KLF12: variants seen among roughly 807,000 people sequenced by gnomAD.
KLF12 encodes the protein Krueppel-like factor 12.
KLF12 carries 9 observed loss-of-function variants against 37.8 expected under a neutral mutation model. The observed-to-expected ratio is 0.24, with a 90% confidence interval of 0.14 to 0.42. KLF12 has a LOEUF of 0.42. KLF12 is among the 10% of genes least tolerant of loss of function. KLF12 has a pLI of 1.00. For missense variants in KLF12, 411 were observed against 516.0 expected, an observed-to-expected ratio of 0.80 and a Z score of 1.97; for synonymous variants, 208 against 202.1, an observed-to-expected ratio of 1.03 and a Z score of -0.25.
chr13:74,019,370 T>C (rs1210234860), intron 1 of KLF12, among the ~76,000 whole-genome samples: 1 of 152,236 alleles, frequency 6.6e-6, no homozygotes, highest in East Asian at 1.9e-4. Flanking sequence ...GTTTAAGTAA[T>C]TGAATGTAAT....
At chr13:73,962,322 C>A (rs1298556534) in intron 2 of KLF12, among the ~76,000 whole-genome samples, 1 of 152,034 alleles carries the variant, frequency 6.6e-6, no homozygotes, top group Non-Finnish European at 1.5e-5. Flanking sequence ...GATGCCAGGT[C>A]TTAAGGGGAA....
At chr13:73,910,550 A>G (rs1245882650) in intron 3 of KLF12, among the ~76,000 whole-genome samples, 1 of 152,208 alleles carries the variant, frequency 6.6e-6, no homozygotes, top group Non-Finnish European at 1.5e-5. Context: ...CTTAAATAAA[A>G]AACTTTATAA....
At chr13:74,257,978 G>A in the KLF12 span, 1 of 152,074 alleles carries the variant, frequency 6.6e-6, no homozygotes, top group East Asian at 1.9e-4. Context: ...CTCATTACCA[G>A]AGGGTAGGGA....
chr13:74,004,767 G>C (rs1035179087), intron 1 of KLF12, among the ~76,000 whole-genome samples: 1 of 152,078 alleles, frequency 6.6e-6, no homozygotes, highest in Non-Finnish European at 1.5e-5. Flanking sequence ...AGTATTTTAA[G>C]TTTCTCCACT....
At chr13:74,233,174 C>T in the KLF12 span, among the ~76,000 whole-genome samples, 3 of 152,272 alleles carry the variant, frequency 2.0e-5, no homozygotes, top group East Asian at 1.9e-4. Flanking sequence ...TGAGCCACCG[C>T]GCCTGGCCTG....
chr13:73,926,004 G>T (rs1036130696), intron 3 of KLF12, among the ~76,000 whole-genome samples: 2 of 151,948 alleles, frequency 1.3e-5, no homozygotes, highest in Admixed American at 1.3e-4. Context: ...ATAAGCAAAT[G>T]GTTTCTTTAG....
intron 3 of KLF12, among the ~76,000 whole-genome samples, chr13:73,902,054 T>C (rs982243364): frequency 7.2e-5 from 11 of 152,214 alleles, no homozygotes; most frequent in Admixed American, 3.3e-4. Context: ...CTATAATGCT[T>C]ATAGTTTAAT....
At chr13:73,993,876 C>A (rs936116680) in intron 2 of KLF12, among the ~76,000 whole-genome samples, 2 of 130,638 alleles carry the variant, frequency 1.5e-5, no homozygotes, top group Middle Eastern at 3.5e-3. Context: ...CTCCTTCTCC[C>A]AGAGAACCAC....
At chr13:74,022,693 CT>C (rs963813428) in intron 1 of KLF12, among the ~76,000 whole-genome samples, 2 of 150,768 alleles carry the variant, frequency 1.3e-5, no homozygotes, top group Non-Finnish European at 2.9e-5. Flanking sequence ...AATTGACCCC[CT>C]CTCACCCCAC....
At chr13:73,880,975 T>C (rs1886953287) in intron 3 of KLF12, among the ~76,000 whole-genome samples, 2 of 152,344 alleles carry the variant, frequency 1.3e-5, no homozygotes, top group East Asian at 3.9e-4. Flanking sequence ...AAGTCTGATA[T>C]CTGAAAGTGT....
At chr13:74,095,743 C>A (rs1015771284) in intron 1 of KLF12, among the ~76,000 whole-genome samples, 11 of 152,178 alleles carry the variant, frequency 7.2e-5, no homozygotes, top group Admixed American at 3.3e-4. Context: ...TATTTCAATT[C>A]CTTACAAAGA....
intron 1 of KLF12, among the ~76,000 whole-genome samples, chr13:74,082,449 A>G (rs1457527618): frequency 1.3e-5 from 2 of 152,190 alleles, no homozygotes; most frequent in African/African-American, 4.8e-5. Context: ...ATATTAAACT[A>G]AAGATTCTAT....
At chr13:74,177,986 A>G in the KLF12 span, among the ~76,000 whole-genome samples, 1 of 152,246 alleles carries the variant, frequency 6.6e-6, no homozygotes, top group Admixed American at 6.5e-5. Context: ...GCTCAGGTCT[A>G]GTCTTAAATG....
chr13:73,851,490 T>C (rs1160421848), intron 3 of KLF12, among the ~76,000 whole-genome samples: 1 of 152,220 alleles, frequency 6.6e-6, no homozygotes, highest in African/African-American at 2.4e-5. Context: ...CATGTAACAG[T>C]TGATGGAATA....
rs78360725 is a variant in KLF12 at position 73,841,787 on chromosome 13, C to T, written c.670+4040G>A. On this transcript the variant is annotated intron_variant, in intron 4 of 7. Transcript: ENST00000377669. ...CTCTCCTCTCTATGTGGGAACCCCG[C>T]ACCTCCCAGTACCACCACTGTGGGG... is the stretch of plus-strand genomic sequence containing the variant. 3.3e-3 allele frequency among the ~76,000 whole-genome samples: 497 copies of T among 152,272 alleles called. 1 individual carries two copies. The highest frequency in any genetic ancestry group is 0.011 in the African/African-American group (474 of 41,546).
chr13:73,813,432 G>T, intron 4 of KLF12, 145 bp from the exon 5 acceptor site: 3 of 882,368 alleles, frequency 3.4e-6, no homozygotes, highest in Non-Finnish European at 3.5e-6. Context: ...AAAGCTCCAG[G>T]TTTTATGTTC....
At chr13:74,277,931 C>T in the KLF12 span, among the ~76,000 whole-genome samples, 8 of 152,242 alleles carry the variant, frequency 5.3e-5, no homozygotes, top group East Asian at 1.2e-3. Flanking sequence ...CCACATGCTC[C>T]TATTAGTGAA....
chr13:73,733,608 T>C (rs1173997741), intron 6 of KLF12, among the ~76,000 whole-genome samples: 1 of 152,212 alleles, frequency 6.6e-6, no homozygotes, highest in Non-Finnish European at 1.5e-5. Context: ...TCTCTACCTT[T>C]TGGCTATTGT....
At chr13:73,747,537 T>C (rs1878455770) in intron 6 of KLF12, among the ~76,000 whole-genome samples, 1 of 152,200 alleles carries the variant, frequency 6.6e-6, no homozygotes. Flanking sequence ...TTTTAGCTAG[T>C]AGATTACATA....
Sources: allele counts gnomAD v4.1 joint callset (sites outside exome capture counted in the v4.1 genomes callset), GRCh38; gene constraint gnomAD v4.1.1; transcripts MANE v1.5; gene names NCBI Gene and HGNC (gene_info 2026-07-23, HGNC 2026-07-21).